KHDRBS2: variants seen among roughly 807,000 people sequenced by gnomAD.
KHDRBS2 encodes KH RNA binding domain containing, signal transduction associated 2, also known as KH domain-containing, RNA-binding, signal transduction-associated protein 2.
Under a neutral mutation model 44.3 loss-of-function variants are expected in KHDRBS2, and 26 were observed. The observed-to-expected ratio is 0.59, with a 90% CI of 0.43 to 0.81. KHDRBS2 has a LOEUF of 0.81. KHDRBS2 is among the 40% of genes least tolerant of loss of function. The pLI is 0.00. For synonymous variants in KHDRBS2, 194 were observed against 151.1 expected, an observed-to-expected ratio of 1.28 and a Z score of -2.08; for missense variants, 476 against 433.1, an observed-to-expected ratio of 1.10 and a Z score of -0.88.
intron 2 of KHDRBS2, among the ~76,000 whole-genome samples, chr6:62,050,316 G>A (rs1788707354): frequency 6.6e-6 from 1 of 151,762 alleles, no homozygotes; most frequent in East Asian, 1.9e-4. Context: ...GATATCATTA[G>A]GAGAAATACC....
intron 6 of KHDRBS2, among the ~76,000 whole-genome samples, chr6:61,820,424 T>C (rs1213242353): frequency 2.0e-5 from 3 of 151,812 alleles, no homozygotes; most frequent in Non-Finnish European, 4.4e-5. Flanking sequence ...AGTGGGTGAA[T>C]AGAGATATTA....
the KHDRBS2 span, among the ~76,000 whole-genome samples, chr6:61,656,510 AGAGACGT>A: frequency 6.6e-6 from 1 of 152,122 alleles, no homozygotes; most frequent in East Asian, 1.9e-4. Context: ...CCCTAATTAC[AGAGACGT>A]ATATTTATAT....
rs149486443 is a variant in KHDRBS2 at position 62,026,602 on chromosome 6, T to A, written c.336+21276A>T. On this transcript the variant is annotated intron_variant, in intron 3 of 8. Transcript: ENST00000281156. ...CATGCACCACTGTGCTTGGTTAACT[T>A]TTTTTTTTCAGAGCTCAGATCTCAT... 6.9e-4 allele frequency among the ~76,000 whole-genome samples: 104 copies of A among 150,832 alleles called. 2 individuals carry two copies. The East Asian group carries it at 0.016, about 24-fold the overall frequency.
the KHDRBS2 span, among the ~76,000 whole-genome samples, chr6:61,608,329 CAT>C: frequency 4.3e-4 from 22 of 51,232 alleles, no homozygotes; most frequent in African/African-American, 1.2e-3. Flanking sequence ...TATATATATA[CAT>C]ATGTGTGTGT....
intron 1 of KHDRBS2, among the ~76,000 whole-genome samples, chr6:62,211,759 A>G (rs1829086208): frequency 6.6e-6 from 1 of 152,182 alleles, no homozygotes; most frequent in Admixed American, 6.5e-5. Flanking sequence ...GATACCTGAA[A>G]GACCTCAAGA....
At chr6:61,555,525 C>G in the KHDRBS2 span, among the ~76,000 whole-genome samples, 1 of 152,088 alleles carries the variant, frequency 6.6e-6, no homozygotes, top group African/African-American at 2.4e-5. Context: ...CTATTTCAGC[C>G]TGATTAAGAA....
chr6:62,182,322 G>A (rs1057147689), intron 1 of KHDRBS2, among the ~76,000 whole-genome samples: 4 of 151,984 alleles, frequency 2.6e-5, no homozygotes, highest in Admixed American at 2.6e-4. Context: ...AGGAAACAGG[G>A]AAGTGTTGGT....
intron 4 of KHDRBS2, among the ~76,000 whole-genome samples, chr6:61,915,858 C>T (rs1317502940): frequency 6.6e-6 from 1 of 151,872 alleles, no homozygotes; most frequent in African/African-American, 2.4e-5. Flanking sequence ...GTATTAAACA[C>T]CTCAATTTTA....
chr6:62,268,212 T>C (rs1413586712), intron 1 of KHDRBS2, among the ~76,000 whole-genome samples: 1 of 152,076 alleles, frequency 6.6e-6, no homozygotes, highest in African/African-American at 2.4e-5. Flanking sequence ...GTAGCTTTCA[T>C]GCCCATAAAA....
At chr6:61,943,237 C>T (rs1158503101) in intron 4 of KHDRBS2, among the ~76,000 whole-genome samples, 3 of 151,760 alleles carry the variant, frequency 2.0e-5, no homozygotes, top group Non-Finnish European at 4.4e-5. Context: ...ATAAAGCAGA[C>T]CTAGCAAAAA....
the KHDRBS2 span, among the ~76,000 whole-genome samples, chr6:61,672,891 T>C: frequency 1.3e-5 from 2 of 151,980 alleles, no homozygotes; most frequent in South Asian, 4.1e-4. Flanking sequence ...TTGCCATTGC[T>C]TTTGGTGTTT....
chr6:61,601,929 G>T, the KHDRBS2 span, among the ~76,000 whole-genome samples: 1 of 152,114 alleles, frequency 6.6e-6, no homozygotes, highest in African/African-American at 2.4e-5. Context: ...GCATAGTCAA[G>T]GTTAATGCTC....
rs541363389 is a variant in KHDRBS2 at position 62,107,769 on chromosome 6, G to C, written c.220-59775C>G. On this transcript the variant is annotated intron_variant, in intron 2 of 8. Coordinates refer to ENST00000281156, the MANE Select transcript of KHDRBS2 (RefSeq NM_152688.4). ...AGATATAAATCAAGGGAACAGAACA[G>C]AGCTCTCAGAAATAATGCCGCATAT... Among the ~76,000 whole-genome samples the C allele has an allele frequency of 2.6e-5, 4 of 152,272 alleles. No individual in the cohort carries two copies. In the East Asian group the frequency reaches 7.7e-4, roughly 29 times the overall value.
At chr6:62,175,535 C>T (rs1265422737) in intron 2 of KHDRBS2, among the ~76,000 whole-genome samples, 1 of 151,336 alleles carries the variant, frequency 6.6e-6, no homozygotes, top group Non-Finnish European at 1.5e-5. Context: ...GCAATTCATA[C>T]TTTTTCAGTT....
intron 6 of KHDRBS2, among the ~76,000 whole-genome samples, chr6:61,775,595 G>T (rs1409574059): frequency 6.6e-6 from 1 of 152,108 alleles, no homozygotes; most frequent in Non-Finnish European, 1.5e-5. Context: ...GGGACGTGAA[G>T]GACCTCTTCA....
intron 7 of KHDRBS2, among the ~76,000 whole-genome samples, chr6:61,721,242 G>A (rs181131501): frequency 5.3e-5 from 8 of 152,180 alleles, no homozygotes; most frequent in Admixed American, 2.0e-4. Flanking sequence ...TTTTGGCTCC[G>A]GATTGACTGG....
the KHDRBS2 span, among the ~76,000 whole-genome samples, chr6:61,559,255 C>A: frequency 6.6e-6 from 1 of 151,820 alleles, no homozygotes; most frequent in Non-Finnish European, 1.5e-5. Flanking sequence ...TCTGGGTTTC[C>A]ATGTCATGGA....
intron 7 of KHDRBS2, among the ~76,000 whole-genome samples, chr6:61,719,253 C>CT (rs879844545): frequency 2.6e-5 from 4 of 152,100 alleles, no homozygotes; most frequent in Non-Finnish European, 4.4e-5. Flanking sequence ...AATCAAAGAT[C>CT]TGAATTGGTC....
intron 1 of KHDRBS2, among the ~76,000 whole-genome samples, chr6:62,233,928 ATAGTGC>A (rs1833288901): frequency 6.6e-6 from 1 of 152,092 alleles, no homozygotes; most frequent in South Asian, 2.1e-4. Context: ...GCTATTGTGA[ATAGTGC>A]TACAAGGAAC....
Sources: gnomAD v4.1 joint callset for allele counts (sites outside exome capture counted in the v4.1 genomes callset) on GRCh38, gnomAD v4.1.1 for gene constraint, MANE v1.5 for transcripts, NCBI Gene and HGNC (gene_info 2026-07-23, HGNC 2026-07-21) for gene names.